KALRN: variants seen among roughly 807,000 people sequenced by gnomAD.
KALRN encodes kalirin RhoGEF kinase.
Under a neutral mutation model 353.7 loss-of-function variants are expected in KALRN, and 70 were observed. The ratio of observed to expected loss-of-function variants is 0.20; its 90% CI spans 0.16 to 0.24. The LOEUF (loss-of-function observed/expected upper bound fraction) is 0.24, where lower values mean the gene tolerates loss of function less well. KALRN is among the 10% of genes least tolerant of loss of function. KALRN has a pLI of 1.00. For synonymous variants in KALRN, 1,391 were observed against 1,434.8 expected (o/e 0.97, Z 0.69); for missense variants, 2,791 against 3,756.7 (o/e 0.74, Z 6.72).
At chr3:124,276,941 GCACACATGTGCGCATGCACA>G (rs1318702370) in intron 5 of KALRN, among the ~76,000 whole-genome samples, 7 of 152,240 alleles carry the variant, frequency 4.6e-5, no homozygotes, top group Middle Eastern at 3.4e-3. Context: ...ACACACGCAC[GCACACATGTGCGCATGCACA>G]CACACATGTG....
At chr3:124,224,846 T>G (rs1389743707) in intron 1 of KALRN, among the ~76,000 whole-genome samples, 3 of 152,206 alleles carry the variant, frequency 2.0e-5, no homozygotes, top group Admixed American at 1.3e-4. Context: ...TTAGAAAGTC[T>G]CAGAGTATTA....
chr3:124,217,460 ATG>A (rs151001241), intron 1 of KALRN, among the ~76,000 whole-genome samples: 1 of 151,664 alleles, frequency 6.6e-6, no homozygotes. Flanking sequence ...GGATCTGTGT[ATG>A]TGTGTGTGTG....
In KALRN at chr3:124,495,990, T is replaced by TATATATATAC. The variant is rs1561136843; in HGVS notation, c.4833-312_4833-311insCATATATATA. Among the ~76,000 whole-genome samples, 373 of 58,488 alleles carry TATATATATAC rather than the reference T, an allele frequency of 6.4e-3. 46 individuals carry two copies. Among genetic ancestry groups the TATATATATAC allele is most frequent in the Non-Finnish European group, 9.8e-3 (312 of 31,848 alleles). The allele number at this position is 58,488 out of a possible 152,430, so 38.4% of individuals were successfully genotyped here. ...GTATATATATATATATATATATATATATATATATATATATATATATATACA... is the reference window on the plus strand; with the variant it reads ...GTATATATATATATATATATATATATATATATATACATATATATATATATATATATATACA... On this transcript the variant is annotated intron_variant, in intron 32 of 59. Transcript: ENST00000682506.
chr3:124,534,013 C>T (rs1220086004), intron 33 of KALRN, among the ~76,000 whole-genome samples: 1 of 152,132 alleles, frequency 6.6e-6, no homozygotes, highest in South Asian at 2.1e-4. Flanking sequence ...TCTTCCTCAC[C>T]AAATCCATAA....
At chr3:124,642,898 C>A (rs1387234681) in intron 37 of KALRN, among the ~76,000 whole-genome samples, 2 of 145,836 alleles carry the variant, frequency 1.4e-5, no homozygotes, top group Non-Finnish European at 3.0e-5. Flanking sequence ...CTCACTGCAA[C>A]CTCCGCCTCC....
chr3:124,208,529 T>C (rs1235193909), intron 1 of KALRN, among the ~76,000 whole-genome samples: 2 of 152,222 alleles, frequency 1.3e-5, no homozygotes, highest in East Asian at 1.9e-4. Flanking sequence ...ACAGTTGTGA[T>C]AGAGCAGGGT....
chr3:124,452,473 A>T (rs1317795216), intron 21 of KALRN, among the ~76,000 whole-genome samples: 1 of 152,216 alleles, frequency 6.6e-6, no homozygotes, highest in African/African-American at 2.4e-5. Context: ...AGAAGCATGT[A>T]TGTGATACTG....
intron 45 of KALRN, among the ~76,000 whole-genome samples, chr3:124,663,443 C>A (rs762254721): frequency 1.3e-5 from 2 of 152,182 alleles, no homozygotes; most frequent in Non-Finnish European, 2.9e-5. Flanking sequence ...CACAATTCAG[C>A]CCATAACAGT....
intron 3 of KALRN, among the ~76,000 whole-genome samples, chr3:124,263,438 A>G (rs1015042885): frequency 6.6e-6 from 1 of 152,184 alleles, no homozygotes; most frequent in East Asian, 1.9e-4. Context: ...AAAGCTGGGC[A>G]TGGTGGCGCA....
At chr3:124,708,792 AAAAC>A (rs1448412636) in intron 57 of KALRN, among the ~76,000 whole-genome samples, 1 of 152,158 alleles carries the variant, frequency 6.6e-6, no homozygotes, top group Non-Finnish European at 1.5e-5. Context: ...ACCTAAATAA[AAAAC>A]AAACAAAAAC....
At chr3:124,702,635 T>C (rs2062396649) in intron 57 of KALRN, among the ~76,000 whole-genome samples, 1 of 152,228 alleles carries the variant, frequency 6.6e-6, no homozygotes, top group South Asian at 2.1e-4. Context: ...TAGTACATGG[T>C]TACTTTTTGT....
At chr3:124,132,478 C>T (rs550481408) in intron 1 of KALRN, among the ~76,000 whole-genome samples, 3 of 152,344 alleles carry the variant, frequency 2.0e-5, no homozygotes, top group East Asian at 1.9e-4. Context: ...ACACATACTC[C>T]TGGACTTCTT....
At chr3:124,141,601 T>C (rs1398773426) in intron 1 of KALRN, among the ~76,000 whole-genome samples, 1 of 152,252 alleles carries the variant, frequency 6.6e-6, no homozygotes, top group Non-Finnish European at 1.5e-5. Flanking sequence ...TTTGTAGGTT[T>C]TCACTAATTG....
chr3:124,284,191 C>T (rs1317978071), intron 5 of KALRN, among the ~76,000 whole-genome samples: 1 of 152,182 alleles, frequency 6.6e-6, no homozygotes, highest in African/African-American at 2.4e-5. Flanking sequence ...AGATAAATGC[C>T]TGTATATCTG....
chr3:124,201,715 A>G (rs1248324423), intron 1 of KALRN, among the ~76,000 whole-genome samples: 3 of 152,176 alleles, frequency 2.0e-5, no homozygotes, highest in Admixed American at 2.0e-4. Flanking sequence ...CTCCTAATCT[A>G]ATGGAGGACA....
chr3:124,140,231 G>C (rs188330040), intron 1 of KALRN, among the ~76,000 whole-genome samples: 2 of 152,144 alleles, frequency 1.3e-5, no homozygotes, highest in African/African-American at 4.8e-5. Context: ...GCTCCCCCAG[G>C]CATCTGATAA....
intron 34 of KALRN, among the ~76,000 whole-genome samples, chr3:124,605,138 G>GTCTCACTCTGTTGCCCAGGC (rs1561401489): frequency 6.6e-6 from 1 of 152,010 alleles, no homozygotes; most frequent in Non-Finnish European, 1.5e-5. Flanking sequence ...ACTGCACAGG[G>GTCTCACTCTGTTGCCCAGGC]TCTCACTCTG....
chr3:124,560,646 G>T (rs1028220104), intron 33 of KALRN, among the ~76,000 whole-genome samples: 3 of 152,164 alleles, frequency 2.0e-5, no homozygotes, highest in Non-Finnish European at 4.4e-5. Context: ...AGGATCAGTT[G>T]AGCCCAGGAG....
At chr3:124,429,191 TC>T (rs1274972700) in intron 15 of KALRN, among the ~76,000 whole-genome samples, 3 of 152,220 alleles carry the variant, frequency 2.0e-5, no homozygotes, top group African/African-American at 7.2e-5. Context: ...GATTGGCATC[TC>T]ATCTACAATC....
Sources: gnomAD v4.1 joint callset for allele counts (sites outside exome capture counted in the v4.1 genomes callset) on GRCh38, gnomAD v4.1.1 for gene constraint, MANE v1.5 for transcripts, NCBI Gene and HGNC (gene_info 2026-07-23, HGNC 2026-07-21) for gene names.